The following HAUS6 variants were observed in gnomAD, a reference collection of about 807,000 sequenced individuals.
HAUS6 encodes the protein HAUS augmin-like complex subunit 6.
A neutral mutation model predicts 106.8 loss-of-function variants in HAUS6; 80 were observed. The observed-to-expected ratio is 0.75, with a 90% CI of 0.63 to 0.90. The LOEUF (loss-of-function observed/expected upper bound fraction) is 0.90, where lower values mean the gene tolerates loss of function less well. Among genes scored for constraint, HAUS6 ranks in the 40% least tolerant of loss-of-function variants. The pLI is 0.00. For synonymous variants in HAUS6, 356 were observed against 379.1 expected (o/e 0.94, Z 0.71); for missense variants, 1,155 against 1,118.1 (o/e 1.03, Z -0.47).
chr9:19,062,899 C>G lies in HAUS6; in HGVS notation c.1629+109G>C, dbSNP rs578013798. 8.9e-5 allele frequency: 73 copies of G among 820,214 alleles called. 1 individual carries two copies. In the East Asian group the frequency reaches 1.9e-3, roughly 21 times the overall value. The allele number at this position is 820,214 out of a possible 1,614,324, so 50.8% of individuals were successfully genotyped here. On this transcript the variant is annotated intron_variant, in intron 14 of 16. Coordinates refer to ENST00000380502, the MANE Select transcript of HAUS6 (RefSeq NM_017645.5). ...CATGCTGGTCTCGAACTTCTGGGCT[C>G]AAATGTTCCTCTTGCCGAAACCTCC...
At chr9:19,073,208 T>C (rs1001547657) in intron 11 of HAUS6, among the ~76,000 whole-genome samples, 3 of 152,134 alleles carry the variant, frequency 2.0e-5, no homozygotes, top group African/African-American at 4.8e-5. Flanking sequence ...AAGTGAATAT[T>C]GCAAACCTTT....
At chr9:19,057,685 T>C (rs184878266) in intron 16 of HAUS6, 1 of 407,610 alleles carries the variant, frequency 2.5e-6, no homozygotes, top group African/African-American at 2.0e-5. Context: ...TTTGATGACA[T>C]TTACTTTTCA....
chr9:19,055,807 G>C lies in HAUS6; in HGVS notation c.*536C>G, dbSNP rs568833489. ...TGAAGAATCATTAAGCCTGTTTAGA[G>C]CTTTTCCAGTCTTAAAATTTGTCAT... On this transcript the variant is annotated 3_prime_UTR_variant, in exon 17 of 17. Transcript: ENST00000380502. 6.6e-6 allele frequency: 1 copy of C among 152,150 alleles called. No homozygotes were observed. The highest frequency in any genetic ancestry group is 2.4e-5 in the African/African-American group (1 of 41,412). 9.4% of individuals were successfully genotyped at this position (152,150 alleles called of 1,614,324 possible). A position where few individuals can be genotyped will look rare whatever the true frequency, so the allele number is the denominator to read the frequency against.
intron 14 of HAUS6, 64 bp downstream of exon 14, chr9:19,062,944 A>G (rs12343169): frequency 0.42 from 511,671 of 1,222,956 alleles, 110,703 homozygotes; most frequent in African/African-American, 0.68. Context: ...GGGATTACAG[A>G]CATGGGCCAC....
At chr9:19,102,237 C>A (rs1818004034) in intron 1 of HAUS6, among the ~76,000 whole-genome samples, 1 of 152,196 alleles carries the variant, frequency 6.6e-6, no homozygotes, top group African/African-American at 2.4e-5. Flanking sequence ...CAGACCACCC[C>A]TCCACCACAT....
At chr9:19,057,261 TA>T (rs2131093485) in intron 16 of HAUS6, 1 of 152,466 alleles carries the variant, frequency 6.6e-6, no homozygotes, top group East Asian at 1.9e-4. Flanking sequence ...ATTAATTAGC[TA>T]ATATGACTGT....
At chr9:19,101,469 C>T (rs1413263372) in intron 1 of HAUS6, among the ~76,000 whole-genome samples, 5 of 151,604 alleles carry the variant, frequency 3.3e-5, no homozygotes, top group Non-Finnish European at 4.4e-5. Flanking sequence ...CCAGACTGGG[C>T]GACAGAGTGG....
chr9:19,099,521 G>C (rs957626304), intron 1 of HAUS6, among the ~76,000 whole-genome samples: 3 of 152,034 alleles, frequency 2.0e-5, no homozygotes, highest in South Asian at 4.1e-4. Flanking sequence ...CTGGAGTGCA[G>C]TGCTACCATC....
chr9:19,053,726 A>C lies in HAUS6; in HGVS notation c.*2617T>G, dbSNP rs1476781967. The C allele has an allele frequency of 6.6e-6, 1 of 152,234 alleles. No individual in the cohort carries two copies. The highest frequency in any genetic ancestry group is 1.5e-5 in the Non-Finnish European group (1 of 68,022). The allele number at this position is 152,234 out of a possible 1,614,324, so 9.4% of individuals were successfully genotyped here. Reference sequence around the variant, plus strand: ...CTATATGTCTGATATTAATGTAATAAGAAATCCACTTAGAGTAATAAATTA... The same window carrying C: ...CTATATGTCTGATATTAATGTAATACGAAATCCACTTAGAGTAATAAATTA... On this transcript the variant is annotated 3_prime_UTR_variant, in exon 17 of 17. Coordinates refer to ENST00000380502, the MANE Select transcript of HAUS6 (RefSeq NM_017645.5).
chr9:19,071,068 C>CT (rs958893987), intron 11 of HAUS6, among the ~76,000 whole-genome samples: 21 of 152,282 alleles, frequency 1.4e-4, no homozygotes, highest in African/African-American at 4.6e-4. Context: ...ATGTTACCTT[C>CT]TGAAAGGCTT....
At chr9:19,091,554 T>A (rs1232534614) in intron 4 of HAUS6, among the ~76,000 whole-genome samples, 1 of 151,920 alleles carries the variant, frequency 6.6e-6, no homozygotes, top group Non-Finnish European at 1.5e-5. Context: ...TTATATTACA[T>A]TTGTAATCCT....
At chr9:19,102,208 C>T (rs1230946550) in intron 1 of HAUS6, among the ~76,000 whole-genome samples, 2 of 152,164 alleles carry the variant, frequency 1.3e-5, no homozygotes, top group African/African-American at 2.4e-5. Flanking sequence ...TACCACCCGC[C>T]ATCCCTCCCA....
rs750579331 is a variant in HAUS6 at position 19,083,004 on chromosome 9, A to C, written c.739T>G (p.Phe247Val). ...LWASVNETLMFLEKEREVVSS... is the reference protein window; with the variant it reads ...LWASVNETLMVLEKEREVVSS... ...ACAACTTCTCTCTCTTTTTCCAAAA[A>C]CATGAGCGTTTCATTCACTGAAGCC... is the stretch of plus-strand genomic sequence containing the variant. The change falls in exon 8 of 17, where the codon TTT becomes GTT. Residue 247 changes from phenylalanine (F) to valine (V), a missense_variant. Phe to Val is a conservative substitution (Grantham distance 50). Coordinates refer to ENST00000380502, the MANE Select transcript of HAUS6 (RefSeq NM_017645.5). 1.9e-6 allele frequency: 3 copies of C among 1,590,368 alleles called. No individual in the cohort carries two copies. In the Admixed American group the frequency reaches 5.5e-5, roughly 29 times the overall value.
At chr9:19,073,544 G>A (rs1224979962) in intron 11 of HAUS6, among the ~76,000 whole-genome samples, 3 of 150,310 alleles carry the variant, frequency 2.0e-5, no homozygotes, top group African/African-American at 4.9e-5. Context: ...TCATAGATTC[G>A]AAGGGGTAAA....
chr9:19,061,811 G>A (rs1298061935), intron 14 of HAUS6, among the ~76,000 whole-genome samples: 1 of 152,068 alleles, frequency 6.6e-6, no homozygotes, highest in Non-Finnish European at 1.5e-5. Flanking sequence ...CTCCAGCTTG[G>A]GTGACAGAAC....
intron 8 of HAUS6, among the ~76,000 whole-genome samples, chr9:19,080,925 A>G (rs1035938802): frequency 1.3e-5 from 2 of 152,044 alleles, no homozygotes; most frequent in Non-Finnish European, 2.9e-5. Flanking sequence ...ATACAAAATT[A>G]GCTGGGCGTG....
At position 19,053,691 on chromosome 9, in the gene HAUS6, A is replaced by G. The variant is rs1318881481; in HGVS notation, c.*2652T>C. The G allele has an allele frequency of 6.6e-6, 1 of 152,220 alleles. No homozygotes were observed. The highest frequency in any genetic ancestry group is 1.5e-5 in the Non-Finnish European group (1 of 68,012). The allele number at this position is 152,220 out of a possible 1,614,324, so 9.4% of individuals were successfully genotyped here. Reference sequence around the variant, plus strand: ...CTTTGTATCTTACAAATAGTAAAACAAAGTACATTCTATATGTCTGATATT... The same window carrying G: ...CTTTGTATCTTACAAATAGTAAAACGAAGTACATTCTATATGTCTGATATT... On this transcript the variant is annotated 3_prime_UTR_variant, in exon 17 of 17. Coordinates refer to ENST00000380502, the MANE Select transcript of HAUS6 (RefSeq NM_017645.5).
chr9:19,062,175 G>A (rs1429286237), intron 14 of HAUS6, among the ~76,000 whole-genome samples: 1 of 152,188 alleles, frequency 6.6e-6, no homozygotes, highest in African/African-American at 2.4e-5. Context: ...TGTTAAGGGA[G>A]GGGGCTGGTT....
chr9:19,065,543 A>C (rs879115946), intron 12 of HAUS6, among the ~76,000 whole-genome samples: 1 of 152,220 alleles, frequency 6.6e-6, no homozygotes, highest in Non-Finnish European at 1.5e-5. Flanking sequence ...TACTATGTTA[A>C]TGTTTTAAAA....
Sources: allele counts gnomAD v4.1 joint callset (sites outside exome capture counted in the v4.1 genomes callset), GRCh38; gene constraint gnomAD v4.1.1; transcripts MANE v1.5; gene names NCBI Gene and HGNC (gene_info 2026-07-23, HGNC 2026-07-21).